The following TBC1D21 variants were observed in gnomAD, a reference collection of about 807,000 sequenced individuals.
TBC1D21 encodes male germ cell Rab GTPase-activating protein.
In TBC1D21, 38 loss-of-function variants were observed where a neutral mutation model predicts 46.0. That is an observed-to-expected ratio of 0.83 (90% CI 0.64 to 1.08). The LOEUF (loss-of-function observed/expected upper bound fraction) is 1.08. Ranked by LOEUF, TBC1D21 falls within the 50% of genes least tolerant of loss-of-function variation. TBC1D21 has a pLI of 0.00. For missense variants in TBC1D21, 415 were observed against 417.9 expected, an observed-to-expected ratio of 0.99 and a Z score of 0.06; for synonymous variants, 151 against 157.2, an observed-to-expected ratio of 0.96 and a Z score of 0.29.
At chr15:73,898,863 C>CAAAAAAAAAAA in the TBC1D21 span, among the ~76,000 whole-genome samples, 71 of 24,108 alleles carry the variant, frequency 2.9e-3, 5 homozygotes, top group East Asian at 0.016. Flanking sequence ...GACTCCATCT[C>CAAAAAAAAAAA]AAAAAAAAAA....
intron 4 of TBC1D21, 69 bp downstream of exon 4, chr15:73,884,314 C>A (rs2068205209): frequency 2.1e-6 from 3 of 1,399,552 alleles, no homozygotes; most frequent in Non-Finnish European, 2.0e-6. Context: ...CCCTTCTCAG[C>A]CACTTCCAGG....
At chr15:73,887,330 C>T (rs2068266044) in intron 8 of TBC1D21, among the ~76,000 whole-genome samples, 1 of 152,174 alleles carries the variant, frequency 6.6e-6, no homozygotes, top group African/African-American at 2.4e-5. Flanking sequence ...TAGTGTCTTC[C>T]CACCCCTCAT....
At chr15:73,887,886 C>A (rs756772389) in intron 9 of TBC1D21, 150 bp downstream of exon 9, 1 of 648,344 alleles carries the variant, frequency 1.5e-6, no homozygotes, top group Middle Eastern at 4.2e-4. Context: ...ATCTAAGGTA[C>A]GGATTACCGT....
chr15:73,899,625 G>A, the TBC1D21 span, among the ~76,000 whole-genome samples: 1 of 152,192 alleles, frequency 6.6e-6, no homozygotes, highest in African/African-American at 2.4e-5. Flanking sequence ...AGGGAGCCCA[G>A]GCGGAATCAG....
chr15:73,895,194 A>T, the TBC1D21 span, among the ~76,000 whole-genome samples: 1 of 152,330 alleles, frequency 6.6e-6, no homozygotes, highest in African/African-American at 2.4e-5. Context: ...CTGAGTTCAG[A>T]ACAGGAGTTT....
chr15:73,902,492 A>T, the TBC1D21 span, among the ~76,000 whole-genome samples: 1 of 152,254 alleles, frequency 6.6e-6, no homozygotes, highest in South Asian at 2.1e-4. Context: ...CTCTCAGCCT[A>T]TGTCACATTT....
At chr15:73,875,198 G>A (rs2068037163) in intron 1 of TBC1D21, among the ~76,000 whole-genome samples, 1 of 150,162 alleles carries the variant, frequency 6.7e-6, no homozygotes, top group Non-Finnish European at 1.5e-5. Context: ...GCAGTGAGCT[G>A]AGATTGCGCC....
intron 1 of TBC1D21, 121 bp downstream of exon 1, chr15:73,873,890 G>A: frequency 1.7e-6 from 2 of 1,177,772 alleles, no homozygotes; most frequent in Non-Finnish European, 2.5e-6. Context: ...GGTGGAGCAA[G>A]GGCGGTTGTA....
In TBC1D21 at chr15:73,886,065, C is replaced by A. The variant is rs2068239891; in HGVS notation, c.580-13C>A. 1.2e-6 allele frequency: 2 copies of A among 1,613,488 alleles called. No individual in the cohort carries two copies. The highest frequency in any genetic ancestry group is 1.7e-6 in the Non-Finnish European group (2 of 1,179,486). ...CAAGGGGGACTCAGTCTGTCTCCCACCATCGTGTGCAGGAACACAGCTGTG... is the reference window on the plus strand; with the variant it reads ...CAAGGGGGACTCAGTCTGTCTCCCAACATCGTGTGCAGGAACACAGCTGTG... On this transcript the variant is annotated splice_polypyrimidine_tract_variant and intron_variant, in intron 6 of 10. Coordinates refer to ENST00000300504, the MANE Select transcript of TBC1D21 (RefSeq NM_153356.3).
At chr15:73,875,840 G>A (rs1427444923) in intron 1 of TBC1D21, among the ~76,000 whole-genome samples, 3 of 152,200 alleles carry the variant, frequency 2.0e-5, no homozygotes, top group African/African-American at 7.2e-5. Flanking sequence ...GTATGGAAAA[G>A]GGTGTTATTA....
At chr15:73,888,726 CTCT>C (rs1473533928) in intron 10 of TBC1D21, among the ~76,000 whole-genome samples, 3 of 149,390 alleles carry the variant, frequency 2.0e-5, no homozygotes, top group Non-Finnish European at 3.0e-5. Flanking sequence ...TCTCCTCCTC[CTCT>C]TCTTCCTCCT....
intron 1 of TBC1D21, among the ~76,000 whole-genome samples, chr15:73,880,759 A>G (rs2068139896): frequency 6.6e-6 from 1 of 152,146 alleles, no homozygotes; most frequent in Non-Finnish European, 1.5e-5. Context: ...ACAGAGTGAG[A>G]CTCCGTCTCG....
At chr15:73,894,715 A>G in the TBC1D21 span, among the ~76,000 whole-genome samples, 3 of 152,160 alleles carry the variant, frequency 2.0e-5, no homozygotes, top group African/African-American at 4.8e-5. Flanking sequence ...AGGGCTGTGC[A>G]GGAGTAGCCT....
chr15:73,888,284 G>A (rs1036223488), intron 9 of TBC1D21, 146 bp from the exon 10 acceptor site: 3 of 651,466 alleles, frequency 4.6e-6, no homozygotes, highest in Middle Eastern at 4.0e-4. Context: ...GAGCCAAGCA[G>A]GCTGGGGAGA....
chr15:73,898,277 CA>C, the TBC1D21 span, among the ~76,000 whole-genome samples: 4 of 152,214 alleles, frequency 2.6e-5, no homozygotes, highest in African/African-American at 9.6e-5. Flanking sequence ...CAGGGCAGGT[CA>C]TTAGGCCAGC....
At chr15:73,883,316 T>C (rs1308649948) in intron 3 of TBC1D21, among the ~76,000 whole-genome samples, 1 of 152,216 alleles carries the variant, frequency 6.6e-6, no homozygotes, top group Non-Finnish European at 1.5e-5. Flanking sequence ...GAGGCTGCCT[T>C]AGCAAGTACC....
chr15:73,902,261 C>T, the TBC1D21 span, among the ~76,000 whole-genome samples: 1 of 152,230 alleles, frequency 6.6e-6, no homozygotes, highest in Non-Finnish European at 1.5e-5. Flanking sequence ...CCTGCCGTGG[C>T]CCTCCTCATT....
chr15:73,875,246 CAA>C lies in TBC1D21; in HGVS notation c.60+1491_60+1492del, dbSNP rs36042249. Among the ~76,000 whole-genome samples the C allele has an allele frequency of 2.0e-3, 206 of 102,582 alleles. 1 individual carries two copies. The highest frequency in any genetic ancestry group is 4.4e-3 in the Middle Eastern group (1 of 228). 67.3% of individuals were successfully genotyped at this position (102,582 alleles called of 152,430 possible). ...CCTGGGCGACAGAGTGAGACTCCAT[CAA>C]AAAAAAAAAAAAAGAAGAAGAAGAA... On this transcript the variant is annotated intron_variant, in intron 1 of 10. Transcript: ENST00000300504.
intron 10 of TBC1D21, 147 bp downstream of exon 10, chr15:73,888,660 TTCCTCCTCCTCTTCC>T (rs1300098566): frequency 1.4e-4 from 83 of 590,056 alleles, no homozygotes; most frequent in Admixed American, 4.8e-4. Flanking sequence ...CCTCCTCTTC[TTCCTCCTCCTCTTCC>T]TCCTCCTCCT....
Sources: gnomAD v4.1 joint callset for allele counts (sites outside exome capture counted in the v4.1 genomes callset) on GRCh38, gnomAD v4.1.1 for gene constraint, MANE v1.5 for transcripts, NCBI Gene and HGNC (gene_info 2026-07-23, HGNC 2026-07-21) for gene names.